Variants in CDC42BPA observed in about 807,000 individuals in gnomAD.
CDC42BPA encodes the protein serine/threonine-protein kinase MRCK alpha.
A neutral mutation model predicts 223.5 loss-of-function variants in CDC42BPA; 80 were observed. The observed-to-expected ratio is 0.36, with a 90% CI of 0.30 to 0.43. The LOEUF is 0.43. CDC42BPA is among the 20% of genes least tolerant of loss of function. The pLI is 1.00. For missense variants in CDC42BPA, 1,743 were observed against 2,099.9 expected, an observed-to-expected ratio of 0.83 and a Z score of 3.32; for synonymous variants, 694 against 718.6, an observed-to-expected ratio of 0.97 and a Z score of 0.55.
chr1:227,028,722 G>A lies in CDC42BPA; in HGVS notation c.4367C>T (p.Thr1456Ile). The A allele has an allele frequency of 6.2e-7, 1 of 1,612,686 alleles. No homozygotes were observed. The highest frequency in any genetic ancestry group is 1.7e-4 in the Middle Eastern group (1 of 6,056). The stretch of plus-strand genomic sequence containing the variant: ...TCTAGATCTTCGGCCCTGGCAGTCA[G>A]TGTATATCCCAATGCTGTTAAAACA... ...LLCFNSIGIY[T>I]DCQGRRSRQQ... The change falls in exon 30 of 37, where the codon ACT (threonine) becomes ATT (isoleucine). Residue 1456 changes from threonine to isoleucine, a missense_variant. Coordinates refer to ENST00000366766, the MANE Select transcript of CDC42BPA (RefSeq NM_001394014.1).
chr1:227,136,911 G>A (rs1048312592), intron 10 of CDC42BPA, among the ~76,000 whole-genome samples: 15 of 152,026 alleles, frequency 9.9e-5, no homozygotes, highest in African/African-American at 3.6e-4. Context: ...AGTTTTTTAG[G>A]CTAAAGAAAA....
intron 32 of CDC42BPA, among the ~76,000 whole-genome samples, chr1:227,021,814 T>C (rs746247453): frequency 2.6e-5 from 4 of 151,882 alleles, no homozygotes; most frequent in South Asian, 2.1e-4. Context: ...GGTCAGGAGA[T>C]GGAGATCATC....
chr1:227,171,053 G>T (rs1171571853), intron 5 of CDC42BPA, among the ~76,000 whole-genome samples: 1 of 152,092 alleles, frequency 6.6e-6, no homozygotes, highest in Non-Finnish European at 1.5e-5. Flanking sequence ...CAGATACTAA[G>T]AATTGTCAAT....
chr1:226,995,934 CAATT>C (rs1477795592), intron 35 of CDC42BPA, among the ~76,000 whole-genome samples: 1 of 152,188 alleles, frequency 6.6e-6, no homozygotes, highest in Non-Finnish European at 1.5e-5. Flanking sequence ...TAACATGTCT[CAATT>C]GTTTTTCACA....
At chr1:227,128,761 C>A (rs1039249600) in intron 11 of CDC42BPA, among the ~76,000 whole-genome samples, 2 of 152,168 alleles carry the variant, frequency 1.3e-5, no homozygotes, top group African/African-American at 4.8e-5. Context: ...TTTTCCTCTC[C>A]TCACAAATAT....
chr1:227,291,485 G>A (rs1689686329), intron 1 of CDC42BPA, among the ~76,000 whole-genome samples: 1 of 152,130 alleles, frequency 6.6e-6, no homozygotes, highest in African/African-American at 2.4e-5. Context: ...GGAGGCGGAG[G>A]TTGTAGTGAG....
Position 227,030,481 on chromosome 1 carries a change from C to T in CDC42BPA, c.3776-11G>A, listed in dbSNP as rs1669078765. On this transcript the variant is annotated splice_polypyrimidine_tract_variant and intron_variant, in intron 28 of 36. Transcript: ENST00000366766. ...CAATTCTTTCATGATCTATGTAAGA[C>T]ATGAATGTGAAAGATTTTTATTAGG... 3 of 1,537,812 alleles carry T rather than the reference C, an allele frequency of 2.0e-6. No homozygotes were observed. The highest frequency in any genetic ancestry group is 8.8e-7 in the Non-Finnish European group (1 of 1,131,008).
intron 11 of CDC42BPA, among the ~76,000 whole-genome samples, chr1:227,126,457 G>T (rs1689611511): frequency 7.8e-6 from 1 of 127,530 alleles, no homozygotes; most frequent in Non-Finnish European, 1.6e-5. Flanking sequence ...AAAACAGGCA[G>T]TACAAGAAAG....
chr1:227,266,689 G>A (rs1685054907), intron 1 of CDC42BPA, among the ~76,000 whole-genome samples: 1 of 152,058 alleles, frequency 6.6e-6, no homozygotes, highest in Admixed American at 6.5e-5. Flanking sequence ...TTCTCAATTA[G>A]GCTATCAGAA....
At chr1:227,206,913 C>T (rs545777757) in intron 3 of CDC42BPA, among the ~76,000 whole-genome samples, 1 of 151,756 alleles carries the variant, frequency 6.6e-6, no homozygotes, top group South Asian at 2.1e-4. Flanking sequence ...ATGGGGACTA[C>T]TTATCTTTTT....
chr1:227,016,871 G>A (rs775627778), intron 33 of CDC42BPA, 56 bp downstream of exon 33: 16 of 1,502,716 alleles, frequency 1.1e-5, no homozygotes, highest in African/African-American at 2.8e-5. Flanking sequence ...TATCATCACC[G>A]AGTAGTCCTT....
intron 1 of CDC42BPA, among the ~76,000 whole-genome samples, chr1:227,254,382 T>C (rs922906879): frequency 7.2e-5 from 11 of 152,200 alleles, no homozygotes; most frequent in Admixed American, 3.3e-4. Flanking sequence ...GTGAGAAATG[T>C]ATGTTTAAAC....
chr1:226,994,399 C>T lies in CDC42BPA; in HGVS notation c.5134G>A (p.Asp1712Asn). The T allele has an allele frequency of 7.9e-6, 12 of 1,525,490 alleles. No homozygotes were observed. Among genetic ancestry groups the T allele is most frequent in the Non-Finnish European group, 1.1e-5 (12 of 1,133,664 alleles). The allele number at this position is 1,525,490 out of a possible 1,614,324, so 94.5% of individuals were successfully genotyped here. A position where few individuals can be genotyped will look rare whatever the true frequency, so the allele number is the denominator to read the frequency against. The change falls in exon 37 of 37, where the codon GAC becomes AAC. Residue 1712 changes from aspartate to asparagine, a missense_variant and splice_region_variant. This residue lies in a region of CDC42BPA where 200 missense variants were observed against 192.8 expected (regional missense o/e 1.04). Coordinates refer to ENST00000366766, the MANE Select transcript of CDC42BPA (RefSeq NM_001394014.1). This position sits in a 1 kb window ranked among gnomAD's most constrained non-coding sequence, Gnocchi z 4.0. ...DAPARDFDGEDSDSPRHSTAS... is the reference protein window; with the variant it reads ...DAPARDFDGENSDSPRHSTAS... The stretch of plus-strand genomic sequence containing the variant: ...GTGGAATGCCTCGGAGAGTCAGAGT[C>T]CTGTAAGGCCCAAAGTAAAACATTA...
intron 35 of CDC42BPA, among the ~76,000 whole-genome samples, chr1:226,996,657 GT>G (rs1234798048): frequency 6.6e-6 from 1 of 152,130 alleles, no homozygotes; most frequent in Non-Finnish European, 1.5e-5. Flanking sequence ...AGTTTATTGA[GT>G]TTTTAGTATA....
chr1:227,061,115 G>C (rs1309957328), intron 21 of CDC42BPA, among the ~76,000 whole-genome samples: 1 of 152,102 alleles, frequency 6.6e-6, no homozygotes, highest in Non-Finnish European at 1.5e-5. Flanking sequence ...AGAAGGCCCG[G>C]AGAGTTCTAA....
chr1:227,164,730 CCCTAA>C (rs1558654781), intron 5 of CDC42BPA, among the ~76,000 whole-genome samples: 1 of 152,148 alleles, frequency 6.6e-6, no homozygotes, highest in Non-Finnish European at 1.5e-5. Flanking sequence ...ACACACACAC[CCCTAA>C]CTAAATTTTT....
chr1:227,275,299 G>A (rs536548486), intron 1 of CDC42BPA, among the ~76,000 whole-genome samples: 1 of 122,440 alleles, frequency 8.2e-6, no homozygotes, highest in African/African-American at 3.1e-5. Flanking sequence ...CAAAACATAT[G>A]AGATGCAACT....
At chr1:227,102,898 C>T (rs1685288179) in intron 14 of CDC42BPA, among the ~76,000 whole-genome samples, 1 of 151,856 alleles carries the variant, frequency 6.6e-6, no homozygotes, top group South Asian at 2.1e-4. Flanking sequence ...GTACCCCTAC[C>T]CAATAGCATT....
intron 5 of CDC42BPA, among the ~76,000 whole-genome samples, chr1:227,169,195 A>T (rs909263844): frequency 6.6e-6 from 1 of 151,998 alleles, no homozygotes; most frequent in African/African-American, 2.4e-5. Context: ...ACCTTTACTG[A>T]GAATAGTTGT....
Sources: gnomAD v4.1 joint callset for allele counts (sites outside exome capture counted in the v4.1 genomes callset) on GRCh38, gnomAD v4.1.1 for gene constraint, gnomAD v4.1.1 regional missense constraint, Gnocchi (gnomAD v3.1) non-coding constraint, MANE v1.5 for transcripts, NCBI Gene and HGNC (gene_info 2026-07-23, HGNC 2026-07-21) for gene names.